Variants in PRRC2B observed in about 807,000 individuals in gnomAD.
The protein encoded by PRRC2B is protein PRRC2B.
PRRC2B carries 68 observed loss-of-function variants against 242.3 expected under a neutral mutation model. That is an observed-to-expected ratio of 0.28 (90% CI 0.23 to 0.34). PRRC2B has a LOEUF of 0.34. Among genes scored for constraint, PRRC2B ranks in the 10% least tolerant of loss-of-function variants. The pLI is 1.00. For missense variants in PRRC2B, 2,835 were observed against 2,954.8 expected (o/e 0.96, Z 0.94); for synonymous variants, 1,228 against 1,173.6 (o/e 1.05, Z -0.95).
At chr9:131,438,952 G>A in intron 4 of PRRC2B, 37 bp from the exon 5 acceptor site, 6 of 1,529,214 alleles carry the variant, frequency 3.9e-6, no homozygotes, top group African/African-American at 1.4e-5. Flanking sequence ...GTGGAATAAG[G>A]GAGCTGGCCC....
In PRRC2B at chr9:131,492,237, C is replaced by G; in HGVS notation, c.6450C>G (p.Pro2150=). The G allele has an allele frequency of 6.2e-7, 1 of 1,613,798 alleles. No individual in the cohort carries two copies. Among genetic ancestry groups the G allele is most frequent in the Non-Finnish European group, 8.5e-7 (1 of 1,179,798 alleles). Residue 2150 remains proline (P), a synonymous_variant, in exon 30 of 32, where the codon CCC becomes CCG. Transcript: ENST00000683519. ...AACAGAATGTCCCTTCAGGAGGCCC[C>G]GTGCCATCGCCACAGACCTACAGGT... ...DSKQNVPSGG[P]VPSPQTYRPS...
chr9:131,415,527 T>C (rs1477672659), intron 1 of PRRC2B, among the ~76,000 whole-genome samples: 2 of 152,210 alleles, frequency 1.3e-5, no homozygotes, highest in Non-Finnish European at 2.9e-5. Context: ...CCCACTAATA[T>C]TGCCAGTCCC....
chr9:131,424,006 G>A (rs951985154), intron 1 of PRRC2B, among the ~76,000 whole-genome samples: 54 of 151,568 alleles, frequency 3.6e-4, no homozygotes, highest in African/African-American at 1.1e-3. Context: ...CCCAATCTCC[G>A]TTCACTGCAA....
In PRRC2B at chr9:131,475,390, C is replaced by T. The variant is rs1403239602; in HGVS notation, c.3261C>T (p.Gly1087=). Residue 1087 remains glycine, a synonymous_variant, in exon 16 of 32, where the codon GGC becomes GGT. Transcript: ENST00000683519. ...GGCCTGCTGGCGGAAATGGGAGCGG[C>T]CTCTGTGGTGGGGGGGTCCTGGGGG... ...RGRPAGGNGS[G]LCGGGVLGAR... is the part of the protein sequence containing the mutation. 6.3e-7 allele frequency: 1 copy of T among 1,585,822 alleles called. No homozygotes were observed. The highest frequency in any genetic ancestry group is 1.8e-5 in the Admixed American group (1 of 55,952).
intron 1 of PRRC2B, among the ~76,000 whole-genome samples, chr9:131,415,055 C>G (rs1837610448): frequency 6.6e-6 from 1 of 152,158 alleles, no homozygotes; most frequent in African/African-American, 2.4e-5. Flanking sequence ...TACAGTGGCA[C>G]AATCTCGGTT....
At chr9:131,465,828 G>A (rs1249515653) in intron 12 of PRRC2B, among the ~76,000 whole-genome samples, 2 of 152,170 alleles carry the variant, frequency 1.3e-5, no homozygotes, top group African/African-American at 2.4e-5. Context: ...GGGTTCAAGC[G>A]ATTTTCCCAG....
intron 1 of PRRC2B, among the ~76,000 whole-genome samples, chr9:131,414,474 A>G (rs1414501870): frequency 1.4e-5 from 2 of 141,186 alleles, no homozygotes; most frequent in South Asian, 2.4e-4. Flanking sequence ...TTTCCTGGAA[A>G]TGGTAGATAA....
rs1052334647 is a variant in PRRC2B, at chr9:131,484,929, C to A, written c.5566-19C>A. On this transcript the variant is annotated intron_variant, in intron 24 of 31. Coordinates refer to ENST00000683519, the MANE Select transcript of PRRC2B (RefSeq NM_013318.4). ...CGTGATAGTAATTTTCATCCCTCCCCCTCCCCTTGCTTCTGAAGATGGAGT... is the reference window on the plus strand; with the variant it reads ...CGTGATAGTAATTTTCATCCCTCCCACTCCCCTTGCTTCTGAAGATGGAGT... 1 of 1,598,866 alleles carries A rather than the reference C, an allele frequency of 6.3e-7. No individual in the cohort carries two copies. Among genetic ancestry groups the A allele is most frequent in the Non-Finnish European group, 8.6e-7 (1 of 1,168,592 alleles).
chr9:131,449,497 C>A (rs1367351799), intron 9 of PRRC2B, among the ~76,000 whole-genome samples: 4 of 152,004 alleles, frequency 2.6e-5, no homozygotes, highest in African/African-American at 9.7e-5. Context: ...TTAGTGGTAT[C>A]TCATTGTGCT....
At chr9:131,387,080 C>T (rs1485205725) in intron 1 of PRRC2B, among the ~76,000 whole-genome samples, 1 of 149,934 alleles carries the variant, frequency 6.7e-6, no homozygotes, top group East Asian at 2.0e-4. Context: ...CGGCTCACCG[C>T]CACCTCAGCC....
At chr9:131,452,575 T>C (rs1942955478) in intron 9 of PRRC2B, among the ~76,000 whole-genome samples, 1 of 151,104 alleles carries the variant, frequency 6.6e-6, no homozygotes, top group Admixed American at 6.7e-5. Flanking sequence ...TTTTAATTCC[T>C]GATAATTTGT....
chr9:131,495,797 C>T lies in PRRC2B; in HGVS notation c.6613C>T (p.Pro2205Ser), dbSNP rs529426336. ...GGGAGCCGTGAAGCTGCAGGAGGCC[C>T]CCTCGGCTGCCTCCCAGATGAAGCG... is the stretch of plus-strand genomic sequence containing the variant. ...SLGAVKLQEA[P>S]SAASQMKRTG... is the part of the protein sequence containing the mutation. Residue 2205 changes from proline to serine, a missense_variant, in exon 32 of 32, where the codon CCC becomes TCC. Physicochemically the swap from Pro to Ser is moderately conservative, Grantham distance 74. Around this residue, in one of 7 missense-constraint regions of PRRC2B, gnomAD observed 574 missense variants for 626.0 expected, o/e 0.92. Coordinates refer to ENST00000683519, the MANE Select transcript of PRRC2B (RefSeq NM_013318.4). 16 of 1,613,008 alleles carry T rather than the reference C, an allele frequency of 9.9e-6. No individual in the cohort carries two copies. Among genetic ancestry groups the T allele is most frequent in the South Asian group, 3.3e-5 (3 of 91,078 alleles).
At chr9:131,420,453 T>TTTCTTTCTTTTC (rs1564278457) in intron 1 of PRRC2B, among the ~76,000 whole-genome samples, 1 of 60,988 alleles carries the variant, frequency 1.6e-5, no homozygotes, top group South Asian at 8.5e-4. Context: ...TTCTTTTTCT[T>TTTCTTTCTTTTC]TTTCTTTCTT....
At position 131,487,271 on chromosome 9, in the gene PRRC2B, C is replaced by A. The variant is rs1158001267; in HGVS notation, c.5961C>A (p.Ile1987=). ...GGLPVSQSQE[I]FSSLQPFRSQ... ...TTCCTGTGTCCCAGTCCCAGGAGAT[C>A]TTCAGCTCCTTGCAGCCCTTCAGGT... Residue 1987 remains isoleucine (I), a synonymous_variant, in exon 27 of 32, where the codon ATC becomes ATA. Coordinates refer to ENST00000683519, the MANE Select transcript of PRRC2B (RefSeq NM_013318.4). This position sits in a 1 kb window ranked among gnomAD's most constrained non-coding sequence, Gnocchi z 5.3. 6.2e-7 allele frequency: 1 copy of A among 1,611,342 alleles called. No homozygotes were observed. The highest frequency in any genetic ancestry group is 1.3e-5 in the African/African-American group (1 of 74,882).
rs561307103 is a variant in PRRC2B at position 131,387,070 on chromosome 9, C to T, written c.-56+13339C>T. 1.5e-4 allele frequency among the ~76,000 whole-genome samples: 22 copies of T among 149,824 alleles called. No homozygotes were observed. In the South Asian group the frequency reaches 3.2e-3, roughly 22 times the overall value. Reference sequence around the variant, plus strand: ...AGGCTGGAGTGCAATGGCACGATCTCGGCTCACCGCCACCTCAGCCTTCCG... The same window carrying T: ...AGGCTGGAGTGCAATGGCACGATCTTGGCTCACCGCCACCTCAGCCTTCCG... On this transcript the variant is annotated intron_variant, in intron 1 of 1. Transcript: ENST00000682525.
chr9:131,382,365 A>G (rs1836772568), intron 1 of PRRC2B, among the ~76,000 whole-genome samples: 1 of 152,090 alleles, frequency 6.6e-6, no homozygotes, highest in African/African-American at 2.4e-5. Flanking sequence ...TTTATTCCCC[A>G]GTCTCTGGTC....
Position 131,386,992 on chromosome 9 carries a change from C to CTCTTGCTT in PRRC2B, c.-56+13265_-56+13266insGCTTTCTT, listed in dbSNP as rs1268604187. Among the ~76,000 whole-genome samples, 11 of 149,466 alleles carry CTCTTGCTT rather than the reference C, an allele frequency of 7.4e-5. 1 individual carries two copies. In the East Asian group the frequency reaches 2.2e-3, roughly 30 times the overall value. ...ATGTAGGCTGTGAAGTTAGGCCTGT[C>CTCTTGCTT]TCTTTCTTTCTTTCTTTCTTTCTTT... On this transcript the variant is annotated intron_variant, in intron 1 of 1. Transcript: ENST00000682525.
intron 11 of PRRC2B, among the ~76,000 whole-genome samples, chr9:131,462,855 A>AAG (rs983581868): frequency 1.3e-5 from 2 of 151,396 alleles, no homozygotes; most frequent in African/African-American, 4.9e-5. Context: ...AAAAAAAAAA[A>AAG]AGGTCTCAGT....
intron 3 of PRRC2B, among the ~76,000 whole-genome samples, chr9:131,434,238 A>T (rs1053378058): frequency 1.3e-5 from 2 of 152,202 alleles, no homozygotes; most frequent in African/African-American, 4.8e-5. Context: ...TCACACCATG[A>T]GCTCTGGAAC....
Sources: gnomAD v4.1 joint callset for allele counts (sites outside exome capture counted in the v4.1 genomes callset) on GRCh38, gnomAD v4.1.1 for gene constraint, gnomAD v4.1.1 regional missense constraint, Gnocchi (gnomAD v3.1) non-coding constraint, MANE v1.5 for transcripts, NCBI Gene and HGNC (gene_info 2026-07-23, HGNC 2026-07-21) for gene names.